CC2D1A: variants seen among roughly 807,000 people sequenced by gnomAD.
CC2D1A encodes the protein coiled-coil and C2 domain containing 1A.
CC2D1A carries 68 observed loss-of-function variants against 123.8 expected under a neutral mutation model. The observed-to-expected ratio is 0.55, with a 90% CI of 0.45 to 0.67. The LOEUF (loss-of-function observed/expected upper bound fraction) is 0.67. Ranked by LOEUF, CC2D1A falls within the 30% of genes least tolerant of loss-of-function variation. CC2D1A has a pLI of 0.00. For synonymous variants in CC2D1A, 477 were observed against 528.0 expected (o/e 0.90, Z 1.32); for missense variants, 1,185 against 1,290.3 (o/e 0.92, Z 1.25).
chr19:13,921,374 C>A (rs1408478693), intron 14 of CC2D1A, among the ~76,000 whole-genome samples: 1 of 151,500 alleles, frequency 6.6e-6, no homozygotes, highest in Non-Finnish European at 1.5e-5. Context: ...ACTGTGTGAC[C>A]AGCCTGAGCT....
rs1449562052 is a variant in CC2D1A, at chr19:13,925,932, AAAT to A, written c.1941-583_1941-581del. Among the ~76,000 whole-genome samples the A allele has an allele frequency of 2.1e-3, 220 of 103,284 alleles. 1 individual carries two copies. Among genetic ancestry groups the A allele is most frequent in the South Asian group, 0.02 (65 of 3,330 alleles). The allele number at this position is 103,284 out of a possible 152,430, so 67.8% of individuals were successfully genotyped here. A position where few individuals can be genotyped will look rare whatever the true frequency, so the allele number is the denominator to read the frequency against. ...AAGACTCTGTCTAAAAAAAAAAAAAAAATATATATATATATATATATATATATA... is the reference window on the plus strand; with the variant it reads ...AAGACTCTGTCTAAAAAAAAAAAAAAATATATATATATATATATATATATA... On this transcript the variant is annotated intron_variant, in intron 17 of 28. Transcript: ENST00000318003.
At position 13,912,463 on chromosome 19, in the gene CC2D1A, G is replaced by C. The variant is rs763719827; in HGVS notation, c.312+25G>C. On this transcript the variant is annotated intron_variant, in intron 3 of 28. Transcript: ENST00000318003. ...GGTGAGCACTGAGGGCGGGGTGGGG[G>C]CTCTGATCCGGTTGCCCCCATCCAG... is the stretch of plus-strand genomic sequence containing the variant. 3 of 1,613,864 alleles carry C rather than the reference G, an allele frequency of 1.9e-6. No homozygotes were observed. In the African/African-American group the frequency reaches 4.0e-5, roughly 22 times the overall value.
rs376562016 is a variant in CC2D1A, at chr19:13,926,595, G to C, written c.2014+5G>C. 1 of 1,614,048 alleles carries C rather than the reference G, an allele frequency of 6.2e-7. No homozygotes were observed. The highest frequency in any genetic ancestry group is 1.1e-5 in the South Asian group (1 of 91,088). ...TCAACTTGCCCACACCCCCAGGTGAGGGGGCTGTAGGCAAGGGTCAGGGTC... is the reference window on the plus strand; with the variant it reads ...TCAACTTGCCCACACCCCCAGGTGACGGGGCTGTAGGCAAGGGTCAGGGTC... On this transcript the variant is annotated splice_donor_5th_base_variant and intron_variant, in intron 18 of 28. Coordinates refer to ENST00000318003, the MANE Select transcript of CC2D1A (RefSeq NM_017721.5).
In CC2D1A at chr19:13,923,878, G is replaced by T. The variant is rs561151766; in HGVS notation, c.1940+67G>T. On this transcript the variant is annotated intron_variant, in intron 17 of 28. Coordinates refer to ENST00000318003, the MANE Select transcript of CC2D1A (RefSeq NM_017721.5). The surrounding 1 kb of genome is among the most constrained non-coding windows in gnomAD (Gnocchi z 5.3). ...CCCTTTGGTGGCGGTGGGGCGGGTTGTGCTCCCCAGAAGCTGGCACAAGAT... is the reference window on the plus strand; with the variant it reads ...CCCTTTGGTGGCGGTGGGGCGGGTTTTGCTCCCCAGAAGCTGGCACAAGAT... 3 of 1,188,546 alleles carry T rather than the reference G, an allele frequency of 2.5e-6. No individual in the cohort carries two copies. The African/African-American group carries it at 4.5e-5, about 18-fold the overall frequency. The allele number at this position is 1,188,546 out of a possible 1,614,324, so 73.6% of individuals were successfully genotyped here.
chr19:13,912,406 G>A lies in CC2D1A; in HGVS notation c.280G>A (p.Glu94Lys). The change falls in exon 3 of 29, where the codon GAG becomes AAG. Residue 94 changes from glutamate (E) to lysine (K), a missense_variant. Glu to Lys is a moderately conservative substitution (Grantham distance 56). Transcript: ENST00000318003. ...TGAGGATGAGGAGGAGGGGACGGAT[G>A]AGGACGACTTGGAGGCTGATGATGA... ...PDEDEEEGTD[E>K]DDLEADDDLL... The A allele has an allele frequency of 1.2e-6, 2 of 1,613,830 alleles. No individual in the cohort carries two copies. The highest frequency in any genetic ancestry group is 1.7e-6 in the Non-Finnish European group (2 of 1,179,894).
Position 13,918,787 on chromosome 19 carries a change from C to T in CC2D1A, c.988C>T (p.Pro330Ser). 4 of 1,613,470 alleles carry T rather than the reference C, an allele frequency of 2.5e-6. No individual in the cohort carries two copies. Among genetic ancestry groups the T allele is most frequent in the Middle Eastern group, 1.7e-4 (1 of 6,042 alleles). Residue 330 changes from proline to serine, a missense_variant, in exon 9 of 29, where the codon CCG (proline) becomes TCG (serine). Transcript: ENST00000318003. ...CCCACCGTCACCACCGTCGCAGCCT[C>T]CGACCCCCGCTACGGCGCCCTCCAC... ...PDPPSPPSQPPTPATAPSTTE... is the reference protein window; with the variant it reads ...PDPPSPPSQPSTPATAPSTTE...
In CC2D1A at chr19:13,923,359, C is replaced by T. The variant is rs1197865026; in HGVS notation, c.1668C>T (p.Asp556=). 5 of 1,610,324 alleles carry T rather than the reference C, an allele frequency of 3.1e-6. No homozygotes were observed. Among genetic ancestry groups the T allele is most frequent in the Admixed American group, 1.7e-5 (1 of 59,962 alleles). Residue 556 remains aspartate (D), a synonymous_variant, in exon 15 of 29, where the codon GAC becomes GAT. Transcript: ENST00000318003. This position sits in a 1 kb window ranked among gnomAD's most constrained non-coding sequence, Gnocchi z 5.3. ...TGCCGCCTGCCCCTGTCAACAAGGACGACTTTGCCCTGGTCCAGCGGCCTG... is the reference window on the plus strand; with the variant it reads ...TGCCGCCTGCCCCTGTCAACAAGGATGACTTTGCCCTGGTCCAGCGGCCTG... The part of the protein sequence containing the change: ...TKVPPAPVNK[D]DFALVQRPGP...
At chr19:13,907,127 C>T (rs967670257) in intron 1 of CC2D1A, among the ~76,000 whole-genome samples, 1 of 152,172 alleles carries the variant, frequency 6.6e-6, no homozygotes, top group African/African-American at 2.4e-5. Flanking sequence ...TCAGCTTTCT[C>T]ATCTGTAAAA....
chr19:13,929,602 G>A lies in CC2D1A; in HGVS notation c.2652G>A (p.Met884Ile), dbSNP rs753773516. ...PEVAQQYQDI[M>I]QRSQWQRAQL... ...TGGCCCAGCAGTACCAGGACATCAT[G>A]CAACGCAGCCAGTGGCAGAGGGCAC... The change falls in exon 26 of 29, where the codon ATG (methionine) becomes ATA (isoleucine). Residue 884 changes from methionine (M) to isoleucine (I), a missense_variant. Physicochemically the swap from Met to Ile is conservative, Grantham distance 10. Transcript: ENST00000318003. 1.9e-6 allele frequency: 3 copies of A among 1,600,534 alleles called. No homozygotes were observed. In the Admixed American group the frequency reaches 5.2e-5, roughly 28 times the overall value.
chr19:13,928,323 C>G, intron 24 of CC2D1A, 135 bp downstream of exon 24: 1 of 722,278 alleles, frequency 1.4e-6, no homozygotes, highest in Non-Finnish European at 2.3e-6. Flanking sequence ...ACCCCTTTTC[C>G]CAGAGGATCC....
At position 13,913,422 on chromosome 19, in the gene CC2D1A, G is replaced by A. The variant is rs553083730; in HGVS notation, c.532G>A (p.Ala178Thr). 7 of 1,614,050 alleles carry A rather than the reference G, an allele frequency of 4.3e-6. No individual in the cohort carries two copies. Among genetic ancestry groups the A allele is most frequent in the Non-Finnish European group, 4.2e-6 (5 of 1,180,016 alleles). ...RGLKTLENLLASIRKGNAIDE... is the reference protein window; with the variant it reads ...RGLKTLENLLTSIRKGNAIDE... Reference sequence around the variant, plus strand: ...ATCTTAGACACTGGAAAACCTGCTCGCCTCCATCCGTAAGGGCAATGCCAT... The same window carrying A: ...ATCTTAGACACTGGAAAACCTGCTCACCTCCATCCGTAAGGGCAATGCCAT... Residue 178 changes from alanine (A) to threonine (T), a missense_variant, in exon 6 of 29, where the codon GCC becomes ACC. Ala to Thr is a moderately conservative substitution (Grantham distance 58). Coordinates refer to ENST00000318003, the MANE Select transcript of CC2D1A (RefSeq NM_017721.5).
At chr19:13,928,953 C>G (rs1568422395) in intron 24 of CC2D1A, among the ~76,000 whole-genome samples, 1 of 151,650 alleles carries the variant, frequency 6.6e-6, no homozygotes, top group African/African-American at 2.4e-5. Flanking sequence ...AGGTGATCTG[C>G]CTGCCTCGGC....
At position 13,920,053 on chromosome 19, in the gene CC2D1A, C is replaced by A. The variant is rs985492570; in HGVS notation, c.1356+102C>A. On this transcript the variant is annotated intron_variant, in intron 12 of 28. Transcript: ENST00000318003. ...CTTGAGGCCAGGAGTTTGAGACCATCCTGGGCCACACAGTGAGACCCCCGT... is the reference window on the plus strand; with the variant it reads ...CTTGAGGCCAGGAGTTTGAGACCATACTGGGCCACACAGTGAGACCCCCGT... 50 of 1,245,236 alleles carry A rather than the reference C, an allele frequency of 4.0e-5. No individual in the cohort carries two copies. In the African/African-American group the frequency reaches 7.1e-4, roughly 18 times the overall value. 77.1% of individuals were successfully genotyped at this position (1,245,236 alleles called of 1,614,324 possible). A position where few individuals can be genotyped will look rare whatever the true frequency, so the allele number is the denominator to read the frequency against.
intron 6 of CC2D1A, among the ~76,000 whole-genome samples, chr19:13,915,527 C>T (rs1971175281): frequency 2.0e-5 from 3 of 152,194 alleles, no homozygotes; most frequent in Middle Eastern, 3.4e-3. Flanking sequence ...GGATTACAGG[C>T]GTGAGCCACC....
intron 1 of CC2D1A, among the ~76,000 whole-genome samples, chr19:13,908,936 T>C (rs1970892353): frequency 6.6e-6 from 1 of 151,820 alleles, no homozygotes; most frequent in Admixed American, 6.6e-5. Flanking sequence ...TCTCTTTCTT[T>C]CTTTCCTTTC....
chr19:13,930,198 G>T lies in CC2D1A; in HGVS notation c.2787+44G>T, dbSNP rs774538485. The T allele has an allele frequency of 7.4e-6, 12 of 1,612,868 alleles. No individual in the cohort carries two copies. The South Asian group carries it at 1.3e-4, about 18-fold the overall frequency. On this transcript the variant is annotated intron_variant, in intron 27 of 28. Coordinates refer to ENST00000318003, the MANE Select transcript of CC2D1A (RefSeq NM_017721.5). This position sits in a 1 kb window ranked among gnomAD's most constrained non-coding sequence, Gnocchi z 6.8. ...GGGTGGGCACTGGGCAGCGGGCAGG[G>T]TGGGGCCTGCAGGGACTACCTGCTG...
rs57887926 is a variant in CC2D1A, at chr19:13,911,698, C to T, written c.197-625C>T. On this transcript the variant is annotated intron_variant, in intron 2 of 28. Transcript: ENST00000318003. Reference sequence around the variant, plus strand: ...GCAGCGGGGATTACACGCCACCATGCCCAGCTAATTTTTTTTTTTTTTTTT... The same window carrying T: ...GCAGCGGGGATTACACGCCACCATGTCCAGCTAATTTTTTTTTTTTTTTTT... 2.7e-3 allele frequency among the ~76,000 whole-genome samples: 401 copies of T among 147,700 alleles called. 2 individuals carry two copies. The highest frequency in any genetic ancestry group is 9.6e-3 in the African/African-American group (382 of 39,746).
chr19:13,913,606 C>T lies in CC2D1A; in HGVS notation c.716C>T (p.Ser239Phe), dbSNP rs776709273. The T allele has an allele frequency of 6.2e-7, 1 of 1,611,606 alleles. No homozygotes were observed. The highest frequency in any genetic ancestry group is 1.1e-5 in the South Asian group (1 of 90,944). The change falls in exon 6 of 29, where the codon TCT (serine) becomes TTT (phenylalanine). Residue 239 changes from serine to phenylalanine, a missense_variant. Physicochemically the swap from Ser to Phe is radical, Grantham distance 155. Transcript: ENST00000318003. ...CCTTCTGCCACCGCCCCAGCCTCAT[C>T]TCCAGGCTTGGCTAAGCCCCAGATG... is the stretch of plus-strand genomic sequence containing the variant. ...EGPSATAPAS[S>F]PGLAKPQMPP...
At chr19:13,922,385 A>G (rs889463289) in intron 14 of CC2D1A, among the ~76,000 whole-genome samples, 1 of 152,094 alleles carries the variant, frequency 6.6e-6, no homozygotes, top group Non-Finnish European at 1.5e-5. Context: ...CTGCAACCTC[A>G]GGGCCTTTGC....
Sources: allele counts gnomAD v4.1 joint callset (sites outside exome capture counted in the v4.1 genomes callset), GRCh38; gene constraint gnomAD v4.1.1; non-coding constraint Gnocchi (gnomAD v3.1); transcripts MANE v1.5; gene names NCBI Gene and HGNC (gene_info 2026-07-23, HGNC 2026-07-21).